The following MPDZ variants were observed in gnomAD, a reference collection of about 807,000 sequenced individuals.
The protein encoded by MPDZ is multiple PDZ domain protein.
In MPDZ, 234 loss-of-function variants were observed where a neutral mutation model predicts 239.1. That is an observed-to-expected ratio of 0.98 (90% CI 0.88 to 1.09). MPDZ has a LOEUF of 1.09. MPDZ is among the 50% of genes least tolerant of loss of function. The pLI is 0.00. For synonymous variants in MPDZ, 1,048 were observed against 881.3 expected, an observed-to-expected ratio of 1.19 and a Z score of -3.35; for missense variants, 3,175 against 2,510.0, an observed-to-expected ratio of 1.26 and a Z score of -5.66.
chr9:13,171,467 C>T (rs1999394), intron 21 of MPDZ, among the ~76,000 whole-genome samples: 151,700 of 152,272 alleles, frequency 1, 75,566 homozygotes, highest in Middle Eastern at 1. Flanking sequence ...TTCAGAGAAA[C>T]TCCTGAGTCT....
At chr9:13,271,635 G>A (rs1455316053) in intron 1 of MPDZ, among the ~76,000 whole-genome samples, 2 of 152,164 alleles carry the variant, frequency 1.3e-5, no homozygotes, top group African/African-American at 4.8e-5. Context: ...ATGTTAATCT[G>A]TGTTCTGTTA....
chr9:13,245,690 T>G (rs1337359658), intron 3 of MPDZ, among the ~76,000 whole-genome samples: 1 of 152,150 alleles, frequency 6.6e-6, no homozygotes, highest in Non-Finnish European at 1.5e-5. Flanking sequence ...CAGTTGTCTA[T>G]CAACAAAATA....
Position 13,114,011 on chromosome 9 carries a change from C to T in MPDZ, c.5477G>A (p.Gly1826Asp). 1 of 1,590,722 alleles carries T rather than the reference C, an allele frequency of 6.3e-7. No individual in the cohort carries two copies. Among genetic ancestry groups the T allele is most frequent in the Non-Finnish European group, 8.6e-7 (1 of 1,167,474 alleles). The change falls in exon 41 of 47, where the codon GGC becomes GAC. Residue 1826 changes from glycine to aspartate, a missense_variant. Physicochemically the swap from Gly to Asp is moderately conservative, Grantham distance 94 (BLOSUM62 -1). Coordinates refer to ENST00000319217, the MANE Select transcript of MPDZ (RefSeq NM_001378778.1). ...RPSQSSQVSE[G>D]SLSSFTFPLS... Reference sequence around the variant, plus strand: ...TGGAAAAGTGAAAGATGACAGGCTGCCTTCACTCACCTACAAATATACAAC... The same window carrying T: ...TGGAAAAGTGAAAGATGACAGGCTGTCTTCACTCACCTACAAATATACAAC...
At chr9:13,252,823 C>T (rs768422674) in intron 1 of MPDZ, among the ~76,000 whole-genome samples, 1 of 152,022 alleles carries the variant, frequency 6.6e-6, no homozygotes, top group East Asian at 1.9e-4. Flanking sequence ...TGTTTAATCA[C>T]CCAGGAGGAA....
intron 19 of MPDZ, among the ~76,000 whole-genome samples, chr9:13,177,510 AAAACT>A (rs1357714279): frequency 3.0e-4 from 45 of 152,308 alleles, no homozygotes; most frequent in African/African-American, 1.1e-3. Context: ...TATATTTTTA[AAAACT>A]AAACACAGCC....
intron 39 of MPDZ, among the ~76,000 whole-genome samples, chr9:13,119,186 C>T (rs1016944636): frequency 2.6e-5 from 4 of 152,148 alleles, no homozygotes; most frequent in Non-Finnish European, 5.9e-5. Flanking sequence ...CAGACTCATG[C>T]GATCCTCCCA....
intron 3 of MPDZ, among the ~76,000 whole-genome samples, chr9:13,229,771 AAAT>A (rs1323044864): frequency 6.6e-6 from 1 of 152,142 alleles, no homozygotes; most frequent in Non-Finnish European, 1.5e-5. Flanking sequence ...TTAAACCAGT[AAAT>A]AATTTAAATT....
intron 13 of MPDZ, among the ~76,000 whole-genome samples, chr9:13,193,548 A>G (rs141527413): frequency 6.6e-6 from 1 of 152,146 alleles, no homozygotes; most frequent in Non-Finnish European, 1.5e-5. Flanking sequence ...CTCCCATTAC[A>G]TAGGTCTCAT....
intron 1 of MPDZ, among the ~76,000 whole-genome samples, chr9:13,258,287 G>A (rs528865711): frequency 6.6e-6 from 1 of 152,282 alleles, no homozygotes; most frequent in South Asian, 2.1e-4. Context: ...GTGAAAATAT[G>A]TTTTAGGCTA....
chr9:13,224,688 C>A, intron 3 of MPDZ, 105 bp from the exon 4 acceptor site: 1 of 757,118 alleles, frequency 1.3e-6, no homozygotes, highest in Non-Finnish European at 2.1e-6. Flanking sequence ...TCAAAATGTC[C>A]AAATCCTTTA....
At chr9:13,190,419 T>G in intron 15 of MPDZ, 120 bp from the exon 16 acceptor site, 1 of 832,686 alleles carries the variant, frequency 1.2e-6, no homozygotes, top group Non-Finnish European at 1.6e-6. Flanking sequence ...CAAACAAGAG[T>G]AGCAACAGCT....
At chr9:13,174,521 G>A (rs557481187) in intron 21 of MPDZ, among the ~76,000 whole-genome samples, 29 of 152,230 alleles carry the variant, frequency 1.9e-4, no homozygotes, top group Non-Finnish European at 3.5e-4. Flanking sequence ...GCACACTGGA[G>A]TATAAAAGAT....
intron 12 of MPDZ, among the ~76,000 whole-genome samples, chr9:13,203,120 T>C (rs1193058062): frequency 6.6e-6 from 1 of 152,168 alleles, no homozygotes; most frequent in Non-Finnish European, 1.5e-5. Context: ...TATGGAAATA[T>C]CAGACTGTAC....
At chr9:13,183,361 C>G in intron 19 of MPDZ, 57 bp downstream of exon 19, 1 of 1,442,062 alleles carries the variant, frequency 6.9e-7, no homozygotes, top group Non-Finnish European at 9.4e-7. Context: ...GGACTGAGCT[C>G]TGGAAAATTA....
chr9:13,188,647 G>A (rs1470989123), intron 17 of MPDZ, 137 bp downstream of exon 17: 12 of 591,336 alleles, frequency 2.0e-5, no homozygotes, highest in South Asian at 7.4e-5. Flanking sequence ...ATCTTTATAC[G>A]AATGGAGCTA....
At chr9:13,256,616 G>A (rs990189851) in intron 1 of MPDZ, among the ~76,000 whole-genome samples, 11 of 152,148 alleles carry the variant, frequency 7.2e-5, no homozygotes, top group African/African-American at 1.2e-4. Flanking sequence ...GAATGCGAAC[G>A]GCCCGTTGAT....
At chr9:13,165,532 TCCCCC>T in intron 22 of MPDZ, 1 of 1,138,056 alleles carries the variant, frequency 8.8e-7, no homozygotes, top group East Asian at 2.6e-5. Context: ...TTGTTTTTTT[TCCCCC>T]TTTCCACCTC....
Position 13,110,709 on chromosome 9 carries a change from G to C in MPDZ, c.5756C>G (p.Thr1919Arg). 6.2e-7 allele frequency: 1 copy of C among 1,613,562 alleles called. No individual in the cohort carries two copies. Among genetic ancestry groups the C allele is most frequent in the South Asian group, 1.1e-5 (1 of 90,942 alleles). ...VGDRIVTICGTSTEGMTHTQA... is the reference protein window; with the variant it reads ...VGDRIVTICGRSTEGMTHTQA... ...GGTGTGAGTCATGCCCTCAGTGGATGTGCCACAGATGGTGACAATCCTATC... is the reference window on the plus strand; with the variant it reads ...GGTGTGAGTCATGCCCTCAGTGGATCTGCCACAGATGGTGACAATCCTATC... The change falls in exon 44 of 47, where the codon ACA (threonine) becomes AGA (arginine). Residue 1919 changes from threonine (T) to arginine (R), a missense_variant. Coordinates refer to ENST00000319217, the MANE Select transcript of MPDZ (RefSeq NM_001378778.1).
At chr9:13,143,099 A>C (rs1034157393) in intron 27 of MPDZ, among the ~76,000 whole-genome samples, 1 of 152,132 alleles carries the variant, frequency 6.6e-6, no homozygotes, top group Non-Finnish European at 1.5e-5. Context: ...GAAGTATGAA[A>C]AGGATTTAAA....
Sources: gnomAD v4.1 joint callset for allele counts (sites outside exome capture counted in the v4.1 genomes callset) on GRCh38, gnomAD v4.1.1 for gene constraint, MANE v1.5 for transcripts, NCBI Gene and HGNC (gene_info 2026-07-23, HGNC 2026-07-21) for gene names.